The following PCDHA13 variants were observed in gnomAD, a reference collection of about 807,000 sequenced individuals.
The protein encoded by PCDHA13 is protocadherin alpha-13.
In PCDHA13, 54 loss-of-function variants were observed where a neutral mutation model predicts 64.8. That is an observed-to-expected ratio of 0.83 (90% CI 0.67 to 1.04). PCDHA13 has a LOEUF of 1.04. PCDHA13 is among the 50% of genes least tolerant of loss of function. The probability of loss-of-function intolerance (pLI) is 0.00; values close to 1 mark genes in which losing one functional copy is unlikely to be tolerated. For synonymous variants in PCDHA13, 587 were observed against 564.4 expected (o/e 1.04, Z -0.57); for missense variants, 1,248 against 1,254.3 (o/e 0.99, Z 0.08).
chr5:140,948,426 G>A (rs1301925814), intron 1 of PCDHA13, among the ~76,000 whole-genome samples: 1 of 151,446 alleles, frequency 6.6e-6, no homozygotes, highest in African/African-American at 2.4e-5. Flanking sequence ...TCTTCCTTCA[G>A]TGAAACATTC....
At chr5:140,966,489 C>A in intron 1 of PCDHA13, 2 of 440,146 alleles carry the variant, frequency 4.5e-6, no homozygotes, top group Non-Finnish European at 7.9e-6. Flanking sequence ...TTCCCTCCCC[C>A]TGGAGCTGTA....
chr5:140,951,046 TA>T (rs1414168325), intron 1 of PCDHA13, among the ~76,000 whole-genome samples: 1 of 152,138 alleles, frequency 6.6e-6, no homozygotes, highest in Non-Finnish European at 1.5e-5. Context: ...ATTATATTTT[TA>T]TTGCTAAAAT....
At chr5:140,908,692 C>G (rs2074096551) in intron 1 of PCDHA13, among the ~76,000 whole-genome samples, 1 of 152,208 alleles carries the variant, frequency 6.6e-6, no homozygotes, top group South Asian at 2.1e-4. Context: ...CTGCCACTGA[C>G]ACCTCAAGCA....
chr5:140,896,188 G>C (rs1554186861), intron 1 of PCDHA13, among the ~76,000 whole-genome samples: 1 of 152,132 alleles, frequency 6.6e-6, no homozygotes, highest in Non-Finnish European at 1.5e-5. Context: ...ATTGTGAATA[G>C]TGCCATGATG....
At chr5:140,954,577 A>T (rs1426426958) in intron 1 of PCDHA13, among the ~76,000 whole-genome samples, 2 of 151,954 alleles carry the variant, frequency 1.3e-5, no homozygotes, top group Non-Finnish European at 1.5e-5. Flanking sequence ...TTCTTTTCAG[A>T]AGTGTCTGTT....
At chr5:140,934,196 C>T in intron 1 of PCDHA13, among the ~76,000 whole-genome samples, 1 of 152,068 alleles carries the variant, frequency 6.6e-6, no homozygotes, top group East Asian at 1.9e-4. Context: ...CTTTTCATTT[C>T]TATTTCCTCA....
intron 1 of PCDHA13, among the ~76,000 whole-genome samples, chr5:140,973,378 A>C (rs1453357452): frequency 6.6e-6 from 1 of 152,238 alleles, no homozygotes; most frequent in Non-Finnish European, 1.5e-5. Context: ...CAATGGTCAG[A>C]ATAGACAAAG....
In PCDHA13 at chr5:140,883,682, T is replaced by G. The variant is rs2059750474; in HGVS notation, c.1414T>G (p.Cys472Gly). Residue 472 changes from cysteine (C) to glycine (G), a missense_variant, in exon 1 of 4, where the codon TGC becomes GGC. By Grantham distance (159) the Cys-to-Gly change is radical. Coordinates refer to ENST00000289272, the MANE Select transcript of PCDHA13 (RefSeq NM_018904.3). ...CGTGAAGGAAAACAATCCGCCGGGC[T>G]GCCACATCTTCACGGTGTCTGCTCA... ...VFVKENNPPGCHIFTVSAQDA... is the reference protein window; with the variant it reads ...VFVKENNPPGGHIFTVSAQDA... The G allele has an allele frequency of 6.2e-7, 1 of 1,613,604 alleles. No individual in the cohort carries two copies.
intron 1 of PCDHA13, among the ~76,000 whole-genome samples, chr5:140,947,315 C>CGGTT (rs1443576978): frequency 4.0e-5 from 6 of 151,444 alleles, no homozygotes; most frequent in African/African-American, 1.5e-4. Flanking sequence ...TGTAAAAAGT[C>CGGTT]GGTTGACCAT....
intron 1 of PCDHA13, among the ~76,000 whole-genome samples, chr5:140,941,193 T>TC (rs1554213826): frequency 4.3e-5 from 5 of 116,722 alleles, no homozygotes; most frequent in African/African-American, 1.7e-4. Flanking sequence ...TTCTTTTTTT[T>TC]TCTTTCTTCC....
At chr5:140,948,013 A>G (rs1214834981) in intron 1 of PCDHA13, among the ~76,000 whole-genome samples, 7 of 89,982 alleles carry the variant, frequency 7.8e-5, no homozygotes, top group Admixed American at 5.3e-4. Context: ...TTTAGGAAGT[A>G]CCCTTTCTGG....
chr5:140,938,455 T>C (rs1317742854), intron 1 of PCDHA13, among the ~76,000 whole-genome samples: 1 of 152,196 alleles, frequency 6.6e-6, no homozygotes, highest in East Asian at 1.9e-4. Flanking sequence ...TTCCCTTTGT[T>C]TTTTAATTTA....
chr5:140,933,653 G>GTC (rs1245688430), intron 1 of PCDHA13, among the ~76,000 whole-genome samples: 13 of 151,864 alleles, frequency 8.6e-5, no homozygotes, highest in African/African-American at 2.7e-4. Flanking sequence ...TGGAAATCCT[G>GTC]TCTCTCTCTC....
intron 1 of PCDHA13, chr5:140,968,253 C>T: frequency 6.2e-7 from 1 of 1,614,026 alleles, no homozygotes; most frequent in Non-Finnish European, 8.5e-7. Context: ...GCCACAGACC[C>T]AGATGAAAAG....
chr5:140,912,860 G>A (rs1554195574), intron 1 of PCDHA13, among the ~76,000 whole-genome samples: 1 of 152,182 alleles, frequency 6.6e-6, no homozygotes, highest in African/African-American at 2.4e-5. Flanking sequence ...CAATTGAAAT[G>A]ATATATGGTT....
intron 3 of PCDHA13, among the ~76,000 whole-genome samples, chr5:140,985,428 T>C (rs782337868): frequency 2.0e-5 from 3 of 152,192 alleles, no homozygotes; most frequent in Non-Finnish European, 4.4e-5. Context: ...GGAGGATTTA[T>C]TAGTTGCTGC....
At chr5:140,968,165 C>T in intron 1 of PCDHA13, 6 of 1,614,120 alleles carry the variant, frequency 3.7e-6, no homozygotes, top group African/African-American at 1.3e-5. Flanking sequence ...TGACAATCCA[C>T]CAAGCTTCCT....
At chr5:140,975,899 G>A (rs2096688066) in intron 1 of PCDHA13, among the ~76,000 whole-genome samples, 1 of 152,084 alleles carries the variant, frequency 6.6e-6, no homozygotes, top group African/African-American at 2.4e-5. Context: ...ATGGAGTTTT[G>A]TGACCATTAT....
chr5:140,957,698 A>T (rs1554223065), intron 1 of PCDHA13, among the ~76,000 whole-genome samples: 1 of 152,174 alleles, frequency 6.6e-6, no homozygotes. Flanking sequence ...AATGAACATT[A>T]TGTAGTTTTT....
Sources: allele counts gnomAD v4.1 joint callset (sites outside exome capture counted in the v4.1 genomes callset), GRCh38; gene constraint gnomAD v4.1.1; transcripts MANE v1.5; gene names NCBI Gene and HGNC (gene_info 2026-07-23, HGNC 2026-07-21).